Variants in DCTD observed in about 807,000 individuals in gnomAD.
DCTD encodes dCMP deaminase.
A neutral mutation model predicts 21.0 loss-of-function variants in DCTD; 23 were observed. That is an observed-to-expected ratio of 1.09 (90% CI 0.79 to 1.55). The LOEUF is 1.55. Ranked by LOEUF, DCTD falls within the 40% of genes most tolerant of loss-of-function variation. The pLI is 0.00. For missense variants in DCTD, 224 were observed against 230.0 expected (o/e 0.97, Z 0.17); for synonymous variants, 71 against 81.1 (o/e 0.88, Z 0.67).
chr4:182,898,489 G>A (rs1735142604), intron 3 of DCTD, among the ~76,000 whole-genome samples: 1 of 152,196 alleles, frequency 6.6e-6, no homozygotes, highest in South Asian at 2.1e-4. Context: ...CGATGTCTTT[G>A]CTTTTTTCCT....
chr4:182,906,789 C>G (rs1406386462), intron 3 of DCTD, among the ~76,000 whole-genome samples: 3 of 152,184 alleles, frequency 2.0e-5, no homozygotes, highest in Non-Finnish European at 4.4e-5. Context: ...TTATCATATT[C>G]AATATTTTAA....
At chr4:182,894,670 T>A in intron 3 of DCTD, 65 bp from the exon 4 acceptor site, 1 of 951,728 alleles carries the variant, frequency 1.1e-6, no homozygotes, top group Non-Finnish European at 1.7e-6. Flanking sequence ...TACTAAGTGT[T>A]AACACATTCC....
chr4:182,899,072 G>A lies in DCTD; in HGVS notation c.245-4467C>T, dbSNP rs538277261. 2.6e-5 allele frequency among the ~76,000 whole-genome samples: 4 copies of A among 152,236 alleles called. No individual in the cohort carries two copies. In the East Asian group the frequency reaches 7.7e-4, roughly 29 times the overall value. ...CGTGGTGTAGACATTTTTTCACACA[G>A]CCAATCTCCCACTCCCAACATGACG... is the stretch of plus-strand genomic sequence containing the variant. On this transcript the variant is annotated intron_variant, in intron 3 of 5. Coordinates refer to ENST00000438320, the MANE Select transcript of DCTD (RefSeq NM_001921.3).
chr4:182,917,062 C>G lies in DCTD; in HGVS notation c.-8+249G>C. 1.0e-6 allele frequency: 1 copy of G among 987,118 alleles called. No individual in the cohort carries two copies. The highest frequency in any genetic ancestry group is 4.7e-5 in the South Asian group (1 of 21,472). The allele number at this position is 987,118 out of a possible 1,614,324, so 61.1% of individuals were successfully genotyped here. ...CCACCTCCCGGGGCACTCCAAGGGG[C>G]CCGGCCTCGCACAGGCCGCGGCGCC... On this transcript the variant is annotated intron_variant, in intron 1 of 5. Transcript: ENST00000438320. The surrounding 1 kb of genome is among the most constrained non-coding windows in gnomAD (Gnocchi z 4.9).
At chr4:182,911,046 A>G (rs1277251334) in intron 3 of DCTD, among the ~76,000 whole-genome samples, 1 of 152,204 alleles carries the variant, frequency 6.6e-6, no homozygotes, top group African/African-American at 2.4e-5. Context: ...CTGCTATAAC[A>G]AAGTCCCATA....
chr4:182,916,338 A>C, intron 1 of DCTD: 7 of 976,680 alleles, frequency 7.2e-6, no homozygotes, highest in Non-Finnish European at 8.5e-6. Flanking sequence ...AGGGGGTCCT[A>C]GGACTTCAGG....
chr4:182,910,964 T>G (rs1737566422), intron 3 of DCTD, among the ~76,000 whole-genome samples: 1 of 152,192 alleles, frequency 6.6e-6, no homozygotes, highest in Non-Finnish European at 1.5e-5. Flanking sequence ...AATAAAGCAG[T>G]ATTAAGCTGT....
intron 3 of DCTD, among the ~76,000 whole-genome samples, chr4:182,907,081 G>A (rs1332644906): frequency 6.6e-6 from 1 of 152,186 alleles, no homozygotes; most frequent in Admixed American, 6.5e-5. Context: ...CTTTCAAAGA[G>A]TTTTCAGCGT....
chr4:182,891,300 T>C lies in DCTD; in HGVS notation c.*99A>G, dbSNP rs1045832545. ...CTTTAGATGCCTACTTTTGCCATAC[T>C]GGCTAGTAAGAAGTTATGTGTAACT... is the stretch of plus-strand genomic sequence containing the variant. On this transcript the variant is annotated 3_prime_UTR_variant, in exon 6 of 6. Coordinates refer to ENST00000438320, the MANE Select transcript of DCTD (RefSeq NM_001921.3). 32 of 811,340 alleles carry C rather than the reference T, an allele frequency of 3.9e-5. No individual in the cohort carries two copies. Among genetic ancestry groups the C allele is most frequent in the African/African-American group, 1.4e-4 (8 of 58,666 alleles). The allele number at this position is 811,340 out of a possible 1,614,324, so 50.3% of individuals were successfully genotyped here.
At chr4:182,898,166 A>G (rs1735084414) in intron 3 of DCTD, among the ~76,000 whole-genome samples, 1 of 152,230 alleles carries the variant, frequency 6.6e-6, no homozygotes, top group Non-Finnish European at 1.5e-5. Flanking sequence ...CACCTGCCAA[A>G]TCCACTTCAG....
intron 3 of DCTD, among the ~76,000 whole-genome samples, chr4:182,896,187 C>T (rs935726684): frequency 1.3e-5 from 2 of 152,198 alleles, no homozygotes; most frequent in African/African-American, 4.8e-5. Flanking sequence ...CTTGCTTCAT[C>T]GATGATCATT....
At chr4:182,892,059 A>G (rs1733866156) in intron 5 of DCTD, among the ~76,000 whole-genome samples, 1 of 151,938 alleles carries the variant, frequency 6.6e-6, no homozygotes, top group Non-Finnish European at 1.5e-5. Flanking sequence ...TTCTTTTAAG[A>G]ATCACTGAAC....
intron 3 of DCTD, among the ~76,000 whole-genome samples, chr4:182,894,877 C>T (rs1484860760): frequency 6.6e-6 from 1 of 152,370 alleles, no homozygotes; most frequent in South Asian, 2.1e-4. Context: ...CGCTTCACGG[C>T]TCCACAAGAC....
In DCTD at chr4:182,891,151, C is replaced by T. The variant is rs1405443778; in HGVS notation, c.*248G>A. The T allele has an allele frequency of 1.0e-5, 4 of 385,950 alleles. No individual in the cohort carries two copies. Among genetic ancestry groups the T allele is most frequent in the Non-Finnish European group, 1.9e-5 (4 of 215,644 alleles). The allele number at this position is 385,950 out of a possible 1,614,324, so 23.9% of individuals were successfully genotyped here. A position where few individuals can be genotyped will look rare whatever the true frequency, so the allele number is the denominator to read the frequency against. On this transcript the variant is annotated 3_prime_UTR_variant, in exon 6 of 6. Coordinates refer to ENST00000438320, the MANE Select transcript of DCTD (RefSeq NM_001921.3). ...AGGACACAAGAAGGGGAGGCACTCTCGTTCTAGCCCTGTGCACCAGGCCAC... is the reference window on the plus strand; with the variant it reads ...AGGACACAAGAAGGGGAGGCACTCTTGTTCTAGCCCTGTGCACCAGGCCAC...
intron 3 of DCTD, among the ~76,000 whole-genome samples, chr4:182,911,784 T>C (rs13105019): frequency 0.061 from 9,238 of 152,226 alleles, 332 homozygotes; most frequent in South Asian, 0.1. Context: ...TTCCCAAACA[T>C]ACATAAATGC....
At chr4:182,892,218 T>C (rs1960206) in intron 5 of DCTD, among the ~76,000 whole-genome samples, 147,978 of 152,300 alleles carry the variant, frequency 0.97, 72,028 homozygotes, top group East Asian at 1. Context: ...TGAACGCCAA[T>C]ACCATGAAGC....
At chr4:182,895,061 A>C (rs750237903) in intron 3 of DCTD, among the ~76,000 whole-genome samples, 2 of 152,232 alleles carry the variant, frequency 1.3e-5, no homozygotes, top group African/African-American at 2.4e-5. Context: ...CATCGTGCTC[A>C]GCCCACATAC....
In DCTD at chr4:182,894,480, G is replaced by A. The variant is rs760280469; in HGVS notation, c.361+9C>T. 2.2e-5 allele frequency: 35 copies of A among 1,557,214 alleles called. No individual in the cohort carries two copies. The highest frequency in any genetic ancestry group is 1.0e-4 in the Admixed American group (6 of 59,910). ...GCAAATGTGACAAATGGAAAGACCC[G>A]GTTCCTACCTGCCTGGATGATGAGC... On this transcript the variant is annotated intron_variant, in intron 4 of 5. Transcript: ENST00000438320.
Position 182,894,380 on chromosome 4 carries a change from A to G in DCTD, c.361+109T>C, listed in dbSNP as rs1734338375. On this transcript the variant is annotated intron_variant, in intron 4 of 5. Coordinates refer to ENST00000438320, the MANE Select transcript of DCTD (RefSeq NM_001921.3). ...AATATCTTGCAAAGCTGATAGTGCA[A>G]TTAATTTAGATCTAAACAATAGCAA... The G allele has an allele frequency of 7.4e-6, 5 of 676,112 alleles. No individual in the cohort carries two copies. In the East Asian group the frequency reaches 8.1e-5, roughly 11 times the overall value. 41.9% of individuals were successfully genotyped at this position (676,112 alleles called of 1,614,324 possible). A position where few individuals can be genotyped will look rare whatever the true frequency, so the allele number is the denominator to read the frequency against.
Sources: gnomAD v4.1 joint callset for allele counts (sites outside exome capture counted in the v4.1 genomes callset) on GRCh38, gnomAD v4.1.1 for gene constraint, Gnocchi (gnomAD v3.1) non-coding constraint, MANE v1.5 for transcripts, NCBI Gene and HGNC (gene_info 2026-07-23, HGNC 2026-07-21) for gene names.